Variants in KLHL15 observed in about 807,000 individuals in gnomAD.
KLHL15 encodes kelch-like protein 15.
In KLHL15, 1 loss-of-function variant was observed where a neutral mutation model predicts 29.3. That is an observed-to-expected ratio of 0.03 (90% CI 0.01 to 0.16). The LOEUF (loss-of-function observed/expected upper bound fraction) is 0.16, where lower values mean the gene tolerates loss of function less well. KLHL15 is among the 10% of genes least tolerant of loss of function. KLHL15 has a pLI of 1.00. For missense variants in KLHL15, 215 were observed against 478.5 expected, an observed-to-expected ratio of 0.45 and a Z score of 5.14; for synonymous variants, 212 against 184.5, an observed-to-expected ratio of 1.15 and a Z score of -1.21.
intron 2 of KLHL15, among the ~76,000 whole-genome samples, chrX:24,009,004 T>C (rs1158484633): frequency 9.0e-6 from 1 of 111,648 alleles, no homozygotes; most frequent in East Asian, 2.8e-4. Flanking sequence ...CCATCTTCTG[T>C]CACCCCTTGT....
chrX:24,004,651 A>G (rs1192644901), intron 3 of KLHL15, among the ~76,000 whole-genome samples: 1 of 109,690 alleles, frequency 9.1e-6, no homozygotes, highest in Non-Finnish European at 1.9e-5. Context: ...TTAGCCAGGC[A>G]CAGTGGCTGA....
In KLHL15 at chrX:24,012,221, A is replaced by C. The variant is rs150389671; in HGVS notation, c.-7-5521T>G. On this transcript the variant is annotated intron_variant, in intron 2 of 3. Coordinates refer to ENST00000328046, the MANE Select transcript of KLHL15 (RefSeq NM_030624.3). ...TTACTTTTATCCCTTCCTATTTGCT[A>C]ATCTGTGTTTTCTAATCTATTTCCA... 2.7e-5 allele frequency among the ~76,000 whole-genome samples: 3 copies of C among 112,681 alleles called. No homozygotes were observed. In the East Asian group the frequency reaches 8.3e-4, roughly 31 times the overall value.
chrX:23,999,855 C>T (rs934166690), intron 3 of KLHL15, among the ~76,000 whole-genome samples: 3 of 111,981 alleles, frequency 2.7e-5, no homozygotes, highest in Non-Finnish European at 5.6e-5. Context: ...AAACACCTTG[C>T]GTGATTTCGA....
chrX:24,002,119 C>CG (rs1483524169), intron 3 of KLHL15, among the ~76,000 whole-genome samples: 1 of 106,681 alleles, frequency 9.4e-6, no homozygotes, highest in Non-Finnish European at 1.9e-5. Context: ...GGCAACAGAG[C>CG]GAGACTCTGT....
At chrX:24,004,336 T>C (rs1929399644) in intron 3 of KLHL15, among the ~76,000 whole-genome samples, 1 of 109,277 alleles carries the variant, frequency 9.2e-6, no homozygotes, top group South Asian at 3.9e-4. Context: ...AGGGCCAGAG[T>C]GAGACTCCTC....
intron 2 of KLHL15, among the ~76,000 whole-genome samples, chrX:24,013,048 A>G (rs775309707): frequency 1.3e-4 from 15 of 111,853 alleles, no homozygotes; most frequent in African/African-American, 4.2e-4. Flanking sequence ...CAACTTTACT[A>G]ATACATTTAA....
intron 1 of KLHL15, among the ~76,000 whole-genome samples, chrX:24,026,533 T>C (rs1012831734): frequency 9.0e-6 from 1 of 111,218 alleles, no homozygotes; most frequent in African/African-American, 3.3e-5. Context: ...CCATTGCCCA[T>C]AGCAGATCCT....
Position 23,985,807 on chromosome X carries a change from A to C in KLHL15, c.*2114T>G, listed in dbSNP as rs1928974983. 1 of 112,431 alleles carries C rather than the reference A, an allele frequency of 8.9e-6. No individual in the cohort carries two copies. Among genetic ancestry groups the C allele is most frequent in the African/African-American group, 3.2e-5 (1 of 30,979 alleles). The allele number at this position is 112,431 out of a possible 1,213,427, so 9.3% of individuals were successfully genotyped here. Reference sequence around the variant, plus strand: ...TTCTTGGTCTTTTCTAGCAAAAGACATCAATGAGGAAAATAATGAAGACGT... The same window carrying C: ...TTCTTGGTCTTTTCTAGCAAAAGACCTCAATGAGGAAAATAATGAAGACGT... On this transcript the variant is annotated 3_prime_UTR_variant, in exon 4 of 4. Coordinates refer to ENST00000328046, the MANE Select transcript of KLHL15 (RefSeq NM_030624.3).
chrX:24,025,330 G>A (rs1929903435), intron 1 of KLHL15, among the ~76,000 whole-genome samples: 1 of 109,323 alleles, frequency 9.1e-6, no homozygotes, highest in African/African-American at 3.3e-5. Context: ...CCACGCCGGG[G>A]GTGGAGGAAG....
At chrX:23,989,084 A>G in intron 3 of KLHL15, 54 bp from the exon 4 acceptor site, 1 of 1,030,451 alleles carries the variant, frequency 9.7e-7, no homozygotes, top group Non-Finnish European at 1.3e-6. Flanking sequence ...AGCTGCAAAC[A>G]AATTATCAAA....
At chrX:24,025,436 GGGCCCGCCCAGGGAGGCGGGGCTGGCC>G in intron 1 of KLHL15, among the ~76,000 whole-genome samples, 1 of 105,998 alleles carries the variant, frequency 9.4e-6, no homozygotes, top group African/African-American at 3.4e-5. Context: ...GAGCCGCCCG[GGGCCCGCCCAGGGAGGCGGGGCTGGCC>G]GGCAGGGGGC....
chrX:23,999,594 CAA>C (rs57473929), intron 3 of KLHL15, among the ~76,000 whole-genome samples: 6 of 55,452 alleles, frequency 1.1e-4, no homozygotes, highest in Admixed American at 4.3e-4. Context: ...GACTCCGTCT[CAA>C]AAAAAAAAAA....
At chrX:24,009,150 GGAGTTCAA>G (rs1411710179) in intron 2 of KLHL15, among the ~76,000 whole-genome samples, 1 of 110,936 alleles carries the variant, frequency 9.0e-6, no homozygotes, top group Non-Finnish European at 1.9e-5. Context: ...CTTGAGATCA[GGAGTTCAA>G]GACCAGCCTG....
At chrX:24,008,421 G>A (rs1029715580) in intron 2 of KLHL15, among the ~76,000 whole-genome samples, 1 of 111,564 alleles carries the variant, frequency 9.0e-6, no homozygotes, top group Admixed American at 9.6e-5. Context: ...TGTATTTTTA[G>A]TGAAGACAGG....
At chrX:24,004,309 T>A (rs773908638) in intron 3 of KLHL15, among the ~76,000 whole-genome samples, 25 of 110,042 alleles carry the variant, frequency 2.3e-4, no homozygotes, top group Admixed American at 2.2e-3. Context: ...TGAGCTGAGA[T>A]CGCAGCACTG....
At chrX:24,018,714 T>G in intron 2 of KLHL15, among the ~76,000 whole-genome samples, 1 of 111,530 alleles carries the variant, frequency 9.0e-6, no homozygotes, top group Admixed American at 9.6e-5. Flanking sequence ...TTTAAAGTTA[T>G]TGGTCAGCCG....
chrX:23,991,023 A>C (rs1929072353), intron 3 of KLHL15, among the ~76,000 whole-genome samples: 1 of 110,372 alleles, frequency 9.1e-6, no homozygotes, highest in Admixed American at 9.8e-5. Context: ...TAGCACAAAA[A>C]AGGCTGAGAA....
At chrX:24,012,186 T>C (rs1348999607) in intron 2 of KLHL15, among the ~76,000 whole-genome samples, 1 of 112,589 alleles carries the variant, frequency 8.9e-6, no homozygotes, top group Non-Finnish European at 1.9e-5. Context: ...TGGTAGAGTA[T>C]CAGGTAGTTT....
chrX:24,007,502 AAAAAAAAT>A lies in KLHL15; in HGVS notation c.-7-810_-7-803del, dbSNP rs1460995580. ...CAAGACCCCATTTCCAAAAAAAAAA[AAAAAAAAT>A]ATATATATATATATATATATATATA... On this transcript the variant is annotated intron_variant, in intron 2 of 3. Transcript: ENST00000328046. 3.3e-3 allele frequency among the ~76,000 whole-genome samples: 181 copies of A among 55,320 alleles called. 1 individual carries two copies. The highest frequency in any genetic ancestry group is 0.018 in the African/African-American group (174 of 9,818). The allele number at this position is 55,320 out of a possible 115,157, so 48.0% of individuals were successfully genotyped here. A position where few individuals can be genotyped will look rare whatever the true frequency, so the allele number is the denominator to read the frequency against.
Sources: gnomAD v4.1 joint callset for allele counts (sites outside exome capture counted in the v4.1 genomes callset) on GRCh38, gnomAD v4.1.1 for gene constraint, MANE v1.5 for transcripts, NCBI Gene and HGNC (gene_info 2026-07-23, HGNC 2026-07-21) for gene names.